The following DSCAM variants were observed in gnomAD, a reference collection of about 807,000 sequenced individuals.
DSCAM encodes the protein cell adhesion molecule DSCAM.
In DSCAM, 47 loss-of-function variants were observed where a neutral mutation model predicts 217.7. The ratio of observed to expected loss-of-function variants is 0.22; its 90% CI spans 0.17 to 0.28. The LOEUF is 0.28. Among genes scored for constraint, DSCAM ranks in the 10% least tolerant of loss-of-function variants. The pLI, the probability that DSCAM is intolerant of heterozygous loss-of-function variation, is 1.00. For synonymous variants in DSCAM, 1,056 were observed against 1,015.3 expected (o/e 1.04, Z -0.76); for missense variants, 2,080 against 2,618.3 (o/e 0.79, Z 4.49).
intron 3 of DSCAM, among the ~76,000 whole-genome samples, chr21:40,479,202 T>G (rs1184237717): frequency 6.6e-6 from 1 of 152,192 alleles, no homozygotes; most frequent in African/African-American, 2.4e-5. Flanking sequence ...GACATGGCCA[T>G]GAGTAATTTA....
chr21:40,671,371 C>T (rs13048028), intron 3 of DSCAM, among the ~76,000 whole-genome samples: 135,014 of 152,198 alleles, frequency 0.89, 60,024 homozygotes, highest in East Asian at 1. Flanking sequence ...AAAAAAGTCT[C>T]CATACACTAA....
intron 32 of DSCAM, among the ~76,000 whole-genome samples, chr21:40,023,466 C>T (rs2088314949): frequency 6.7e-6 from 1 of 149,894 alleles, no homozygotes; most frequent in Non-Finnish European, 1.5e-5. Flanking sequence ...AATGGTTGAA[C>T]TAGTTTACAG....
At chr21:40,672,893 T>A (rs1165983016) in intron 3 of DSCAM, among the ~76,000 whole-genome samples, 1 of 152,126 alleles carries the variant, frequency 6.6e-6, no homozygotes, top group African/African-American at 2.4e-5. Flanking sequence ...GCCACTCAAG[T>A]CAGTCTCCAC....
In DSCAM at chr21:40,353,353, G is replaced by T. The variant is rs911479289; in HGVS notation, c.934+112C>A. On this transcript the variant is annotated intron_variant, in intron 5 of 32. Coordinates refer to ENST00000400454, the MANE Select transcript of DSCAM (RefSeq NM_001389.5). ...ATGAGGTTTCTGTTGATCTCAGCTG[G>T]ACTGTTTTGGGAGTTAATGGAAAGC... is the stretch of plus-strand genomic sequence containing the variant. The T allele has an allele frequency of 3.6e-6, 5 of 1,407,998 alleles. No homozygotes were observed. In the African/African-American group the frequency reaches 7.3e-5, roughly 21 times the overall value. 87.2% of individuals were successfully genotyped at this position (1,407,998 alleles called of 1,614,324 possible). A position where few individuals can be genotyped will look rare whatever the true frequency, so the allele number is the denominator to read the frequency against.
In DSCAM at chr21:40,027,696, C is replaced by T. The variant is rs201359165; in HGVS notation, c.5687-14310G>A. Among the ~76,000 whole-genome samples the T allele has an allele frequency of 1.5e-3, 28 of 18,288 alleles. No homozygotes were observed. In the East Asian group the frequency reaches 0.021, roughly 14 times the overall value. 12.0% of individuals were successfully genotyped at this position (18,288 alleles called of 152,430 possible). ...GCTCCTGAGGCTTCTGCATTCTTCA[C>T]GTAGTTCTCGAGCCTTGGTTTTCAG... On this transcript the variant is annotated intron_variant, in intron 32 of 32. Coordinates refer to ENST00000400454, the MANE Select transcript of DSCAM (RefSeq NM_001389.5).
At chr21:40,751,435 C>T (rs2091227308) in intron 1 of DSCAM, among the ~76,000 whole-genome samples, 1 of 152,220 alleles carries the variant, frequency 6.6e-6, no homozygotes, top group South Asian at 2.1e-4. Flanking sequence ...CCATGTGTGG[C>T]ACTCAGTATT....
At chr21:40,381,025 T>C (rs1251502430) in intron 3 of DSCAM, among the ~76,000 whole-genome samples, 3 of 126,422 alleles carry the variant, frequency 2.4e-5, no homozygotes, top group Non-Finnish European at 3.1e-5. Context: ...ATCGTGCCAC[T>C]GCACTCCAGC....
rs1161894153 is a variant in DSCAM at position 40,790,200 on chromosome 21, T to TA, written c.43+56418dup. 4.8e-3 allele frequency among the ~76,000 whole-genome samples: 709 copies of TA among 149,082 alleles called. 17 individuals are homozygous for TA. The highest frequency in any genetic ancestry group is 0.035 in the Admixed American group (523 of 15,012). ...TCTTTCTTTTTTTTTTTTTTTTTTT[T>TA]AGATGGAGTCTCGCTCTGTCTCCCA... On this transcript the variant is annotated intron_variant, in intron 1 of 32. Transcript: ENST00000400454.
chr21:40,272,688 T>C (rs1251655460), intron 11 of DSCAM, among the ~76,000 whole-genome samples: 1 of 152,202 alleles, frequency 6.6e-6, no homozygotes, highest in Non-Finnish European at 1.5e-5. Flanking sequence ...CAGGCCATCC[T>C]GGGAGTCCAG....
At chr21:40,816,937 G>A (rs948742729) in intron 1 of DSCAM, among the ~76,000 whole-genome samples, 4 of 151,988 alleles carry the variant, frequency 2.6e-5, no homozygotes, top group African/African-American at 9.7e-5. Flanking sequence ...GCTCTTTTTT[G>A]ACATTCTCTA....
intron 3 of DSCAM, among the ~76,000 whole-genome samples, chr21:40,622,882 A>AT (rs961260601): frequency 2.2e-4 from 33 of 152,112 alleles, no homozygotes; most frequent in African/African-American, 7.2e-4. Context: ...AAAAAAAAAA[A>AT]AAATCAGCAT....
At chr21:40,494,063 A>G (rs976334800) in intron 3 of DSCAM, among the ~76,000 whole-genome samples, 5 of 151,982 alleles carry the variant, frequency 3.3e-5, no homozygotes, top group African/African-American at 1.2e-4. Context: ...GATAAAAAGT[A>G]AAGGATCAAA....
chr21:40,298,864 C>G (rs1353916143), intron 9 of DSCAM, among the ~76,000 whole-genome samples: 1 of 152,142 alleles, frequency 6.6e-6, no homozygotes, highest in Admixed American at 6.5e-5. Flanking sequence ...CAATTTGGTT[C>G]TAATCCAACG....
At chr21:40,843,190 A>G (rs2092116351) in intron 1 of DSCAM, among the ~76,000 whole-genome samples, 2 of 152,250 alleles carry the variant, frequency 1.3e-5, no homozygotes, top group African/African-American at 2.4e-5. Context: ...GTAATTTCCT[A>G]TCAAGTGAAT....
chr21:40,252,637 C>T (rs752353587), intron 11 of DSCAM, among the ~76,000 whole-genome samples: 4 of 152,056 alleles, frequency 2.6e-5, no homozygotes, highest in African/African-American at 4.8e-5. Context: ...AAGGGCCAGC[C>T]GGGTGGCCAG....
chr21:40,036,497 C>G (rs1165452000), intron 32 of DSCAM, among the ~76,000 whole-genome samples: 1 of 143,000 alleles, frequency 7.0e-6, no homozygotes, highest in African/African-American at 2.8e-5. Flanking sequence ...AGACCAATAA[C>G]AGGATCTGAA....
intron 20 of DSCAM, among the ~76,000 whole-genome samples, chr21:40,120,852 A>G (rs189419166): frequency 1.3e-5 from 2 of 152,312 alleles, no homozygotes; most frequent in East Asian, 3.9e-4. Context: ...CCATGAAATA[A>G]ATGCCTATCA....
intron 24 of DSCAM, among the ~76,000 whole-genome samples, 154 bp downstream of exon 24, chr21:40,083,754 G>A (rs2089494240): frequency 6.6e-6 from 1 of 152,276 alleles, no homozygotes; most frequent in East Asian, 1.9e-4. Flanking sequence ...TAAATGTATG[G>A]TTTCTTTCTT....
chr21:40,138,303 GGTGTGTGTGTA>G (rs1196247455), intron 18 of DSCAM, among the ~76,000 whole-genome samples: 9 of 150,412 alleles, frequency 6.0e-5, no homozygotes, highest in Non-Finnish European at 8.9e-5. Flanking sequence ...CTGTGTGCGT[GGTGTGTGTGTA>G]TGGTGTATGT....
Sources: allele counts gnomAD v4.1 joint callset (sites outside exome capture counted in the v4.1 genomes callset), GRCh38; gene constraint gnomAD v4.1.1; transcripts MANE v1.5; gene names NCBI Gene and HGNC (gene_info 2026-07-23, HGNC 2026-07-21).